MAP3K10: variants seen among roughly 807,000 people sequenced by gnomAD.
MAP3K10 encodes mitogen-activated protein kinase kinase kinase 10.
A neutral mutation model predicts 75.0 loss-of-function variants in MAP3K10; 22 were observed. That is an observed-to-expected ratio of 0.29 (90% confidence interval 0.21 to 0.42). The LOEUF (loss-of-function observed/expected upper bound fraction) is 0.42, where lower values mean the gene tolerates loss of function less well. MAP3K10 is among the 10% of genes least tolerant of loss of function. The pLI is 1.00. For missense variants in MAP3K10, 1,165 were observed against 1,379.8 expected (o/e 0.84, Z 2.47); for synonymous variants, 599 against 612.9 (o/e 0.98, Z 0.34).
chr19:40,207,325 A>C (rs1297664579), intron 5 of MAP3K10, among the ~76,000 whole-genome samples: 1 of 152,210 alleles, frequency 6.6e-6, no homozygotes, highest in Non-Finnish European at 1.5e-5. Flanking sequence ...CAAGCCAGAA[A>C]GCAGTGCCTT....
chr19:40,199,751 G>A (rs992801343), intron 2 of MAP3K10, among the ~76,000 whole-genome samples: 15 of 152,242 alleles, frequency 9.9e-5, no homozygotes, highest in Admixed American at 6.5e-5. Flanking sequence ...GGAGGCCAAG[G>A]TGGGAGGATC....
Position 40,205,463 on chromosome 19 carries a change from A to G in MAP3K10, c.1188+167A>G. The G allele has an allele frequency of 1.5e-6, 1 of 676,012 alleles. No individual in the cohort carries two copies. Among genetic ancestry groups the G allele is most frequent in the African/African-American group, 1.8e-5 (1 of 55,246 alleles). The allele number at this position is 676,012 out of a possible 1,614,324, so 41.9% of individuals were successfully genotyped here. A position where few individuals can be genotyped will look rare whatever the true frequency, so the allele number is the denominator to read the frequency against. The stretch of plus-strand genomic sequence containing the variant: ...GACAGCCTCCTGTTGGTGGATTAAT[A>G]AGAAAAAGGCACCCTGTACTGAAGT... On this transcript the variant is annotated intron_variant, in intron 4 of 9. Coordinates refer to ENST00000253055, the MANE Select transcript of MAP3K10 (RefSeq NM_002446.4). The surrounding 1 kb of genome is among the most constrained non-coding windows in gnomAD (Gnocchi z 4.3).
chr19:40,207,955 T>G (rs1459855272), intron 5 of MAP3K10, among the ~76,000 whole-genome samples: 22 of 152,070 alleles, frequency 1.4e-4, no homozygotes, highest in Non-Finnish European at 3.1e-4. Context: ...CTTGAACTCC[T>G]GCGCTCAGGC....
At chr19:40,200,597 G>A (rs886640472) in intron 2 of MAP3K10, among the ~76,000 whole-genome samples, 7 of 142,380 alleles carry the variant, frequency 4.9e-5, no homozygotes, top group Admixed American at 1.5e-4. Flanking sequence ...TACATCAGGC[G>A]TTCATTTGTG....
In MAP3K10 at chr19:40,205,121, A is replaced by C. The variant is rs1973093430; in HGVS notation, c.1013A>C (p.Glu338Ala). The C allele has an allele frequency of 3.7e-6, 6 of 1,612,670 alleles. No individual in the cohort carries two copies. The highest frequency in any genetic ancestry group is 4.2e-6 in the Non-Finnish European group (5 of 1,179,942). The part of the protein sequence containing the change: ...CPEPFARLLE[E>A]CWDPDPHGRP... ...ACTGTCCTTCCTCCTCCCACCCCAG[A>C]ATGCTGGGACCCAGACCCCCACGGG... Residue 338 changes from glutamate (E) to alanine (A), a missense_variant and splice_region_variant, in exon 4 of 10, where the codon GAA becomes GCA. By Grantham distance (107) the Glu-to-Ala change is moderately radical. Around this residue, in one of 2 missense-constraint regions of MAP3K10, gnomAD observed 575 missense variants for 793.2 expected, o/e 0.72. Transcript: ENST00000253055. This position sits in a 1 kb window ranked among gnomAD's most constrained non-coding sequence, Gnocchi z 4.3.
chr19:40,212,858 G>A lies in MAP3K10; in HGVS notation c.1606G>A (p.Gly536Arg). 6.2e-7 allele frequency: 1 copy of A among 1,609,364 alleles called. No homozygotes were observed. The highest frequency in any genetic ancestry group is 1.1e-5 in the South Asian group (1 of 90,468). Reference protein sequence around the residue: ...SSSGSSSGGSGTWSRGGPPKK... With the variant: ...SSSGSSSGGSRTWSRGGPPKK... The stretch of plus-strand genomic sequence containing the variant: ...CAGTGGCAGCAGCAGTGGAGGAAGT[G>A]GGACATGGAGCCGCGGTGGGCCCCC... Residue 536 changes from glycine to arginine, a missense_variant, in exon 7 of 10, where the codon GGG becomes AGG. Coordinates refer to ENST00000253055, the MANE Select transcript of MAP3K10 (RefSeq NM_002446.4). The surrounding 1 kb of genome is among the most constrained non-coding windows in gnomAD (Gnocchi z 4.2).
chr19:40,198,352 C>A lies in MAP3K10; in HGVS notation c.683-23C>A. 1 of 1,597,018 alleles carries A rather than the reference C, an allele frequency of 6.3e-7. No individual in the cohort carries two copies. The highest frequency in any genetic ancestry group is 1.1e-5 in the South Asian group (1 of 89,650). The stretch of plus-strand genomic sequence containing the variant: ...TGCGGCGTGGCAGGTCTGGGGTGAC[C>A]CACCTTTCTTCCCACCCCACAGTCC... On this transcript the variant is annotated intron_variant, in intron 1 of 9. Coordinates refer to ENST00000253055, the MANE Select transcript of MAP3K10 (RefSeq NM_002446.4). This position sits in a 1 kb window ranked among gnomAD's most constrained non-coding sequence, Gnocchi z 4.3.
intron 5 of MAP3K10, 56 bp from the exon 6 acceptor site, chr19:40,209,047 C>A: frequency 2.3e-6 from 3 of 1,290,348 alleles, no homozygotes; most frequent in Non-Finnish European, 3.4e-6. Flanking sequence ...GAAGAAAATT[C>A]CCTTTGGTAA....
At position 40,215,396 on chromosome 19, in the gene MAP3K10, C is replaced by A; in HGVS notation, c.*104C>A. The A allele has an allele frequency of 9.5e-7, 1 of 1,052,612 alleles. No individual in the cohort carries two copies. The highest frequency in any genetic ancestry group is 1.4e-6 in the Non-Finnish European group (1 of 735,662). The allele number at this position is 1,052,612 out of a possible 1,614,324, so 65.2% of individuals were successfully genotyped here. On this transcript the variant is annotated 3_prime_UTR_variant, in exon 10 of 10. Coordinates refer to ENST00000253055, the MANE Select transcript of MAP3K10 (RefSeq NM_002446.4). ...TGGGGGAGGCCCTGGGCAGGATGTT[C>A]ACTCTATTTATTGGGGAAGGAGGGA...
Position 40,215,069 on chromosome 19 carries a change from T to C in MAP3K10, c.2642T>C (p.Leu881Pro), listed in dbSNP as rs1599921122. The change falls in exon 10 of 10, where the codon CTG (leucine) becomes CCG (proline). Residue 881 changes from leucine to proline, a missense_variant. Transcript: ENST00000253055. ...GAGTTCCCAGGCCGCCCCACCACCC[T>C]GACCTTTGCCCCGAGACCTCGGCCG... is the stretch of plus-strand genomic sequence containing the variant. Reference protein sequence around the residue: ...PPEFPGRPTTLTFAPRPRPAA... With the variant: ...PPEFPGRPTTPTFAPRPRPAA... 7.3e-7 allele frequency: 1 copy of C among 1,376,756 alleles called. No individual in the cohort carries two copies. The allele number at this position is 1,376,756 out of a possible 1,614,324, so 85.3% of individuals were successfully genotyped here. A position where few individuals can be genotyped will look rare whatever the true frequency, so the allele number is the denominator to read the frequency against.
rs1303604062 is a variant in MAP3K10, at chr19:40,198,440, G to A, written c.748G>A (p.Gly250Ser). 3 of 1,614,118 alleles carry A rather than the reference G, an allele frequency of 1.9e-6. No homozygotes were observed. The highest frequency in any genetic ancestry group is 2.5e-6 in the Non-Finnish European group (3 of 1,180,040). ...ADTVLKITDF[G>S]LAREWHKTTK... ...CACGGTGCTCAAGATCACGGACTTC[G>A]GCCTCGCCCGCGAGTGGCACAAGAC... The change falls in exon 2 of 10, where the codon GGC becomes AGC. Residue 250 changes from glycine to serine, a missense_variant. Physicochemically the swap from Gly to Ser is moderately conservative, Grantham distance 56. Around this residue, in one of 2 missense-constraint regions of MAP3K10, gnomAD observed 575 missense variants for 793.2 expected, o/e 0.72. Coordinates refer to ENST00000253055, the MANE Select transcript of MAP3K10 (RefSeq NM_002446.4). The surrounding 1 kb of genome is among the most constrained non-coding windows in gnomAD (Gnocchi z 4.3).
Position 40,213,971 on chromosome 19 carries a change from T to C in MAP3K10, c.2292T>C (p.Ser764=). 3.9e-6 allele frequency: 6 copies of C among 1,535,328 alleles called. No homozygotes were observed. Among genetic ancestry groups the C allele is most frequent in the Non-Finnish European group, 5.2e-6 (6 of 1,147,936 alleles). ...DCNSTRSLLR[S]DSDEAAPAAP... ...ACTCCACGCGTTCACTGCTGCGCTC[T>C]GACAGTGACGAGGCCGCACCGGCCG... Residue 764 remains serine, a synonymous_variant, in exon 9 of 10, where the codon TCT becomes TCC. Transcript: ENST00000253055. The surrounding 1 kb of genome is among the most constrained non-coding windows in gnomAD (Gnocchi z 5.7).
rs185662948 is a variant in MAP3K10 at position 40,214,146 on chromosome 19, C to T, written c.2467C>T (p.Arg823Cys). ...CGTCACGGCTGCATGCGCTGTGAGC[C>T]GCGGGCACCGGCGGACGCCATCGGA... is the stretch of plus-strand genomic sequence containing the variant. ...THVTAACAVS[R>C]GHRRTPSDGA... Residue 823 changes from arginine (R) to cysteine (C), a missense_variant, in exon 9 of 10, where the codon CGC becomes TGC. Arg to Cys is a radical substitution (Grantham distance 180). This residue lies in a region of MAP3K10 where 590 missense variants were observed against 586.6 expected (regional missense o/e 1.01). Transcript: ENST00000253055. 4.4e-4 allele frequency: 682 copies of T among 1,541,336 alleles called. 2 individuals are homozygous for T. Among genetic ancestry groups the T allele is most frequent in the East Asian group, 1.1e-3 (44 of 40,260 alleles).
Position 40,213,640 on chromosome 19 carries a change from C to T in MAP3K10, c.1961C>T (p.Pro654Leu), listed in dbSNP as rs773326474. 16 of 1,424,580 alleles carry T rather than the reference C, an allele frequency of 1.1e-5. No individual in the cohort carries two copies. The highest frequency in any genetic ancestry group is 6.3e-5 in the East Asian group (2 of 31,542). The allele number at this position is 1,424,580 out of a possible 1,614,324, so 88.2% of individuals were successfully genotyped here. A position where few individuals can be genotyped will look rare whatever the true frequency, so the allele number is the denominator to read the frequency against. ...PSPGARAPWE[P>L]TPSAPPARWG... ...CCGGGGGCGCGGGCGCCGTGGGAGC[C>T]GACGCCGTCCGCGCCCCCCGCTCGG... Residue 654 changes from proline to leucine, a missense_variant, in exon 9 of 10, where the codon CCG becomes CTG. By Grantham distance (98) the Pro-to-Leu change is moderately conservative. This residue lies in a region of MAP3K10 where 590 missense variants were observed against 586.6 expected (regional missense o/e 1.01). Transcript: ENST00000253055. The surrounding 1 kb of genome is among the most constrained non-coding windows in gnomAD (Gnocchi z 5.7).
chr19:40,191,439 C>A lies in MAP3K10; in HGVS notation c.-593C>A, dbSNP rs913908373. ...CGGCGCCCACACGTCACTCGGGCCCCGCCGGTGGCCCGGGGAAGCAGCACG... is the reference window on the plus strand; with the variant it reads ...CGGCGCCCACACGTCACTCGGGCCCAGCCGGTGGCCCGGGGAAGCAGCACG... On this transcript the variant is annotated 5_prime_UTR_variant, in exon 1 of 10. Coordinates refer to ENST00000253055, the MANE Select transcript of MAP3K10 (RefSeq NM_002446.4). Among the ~76,000 whole-genome samples the A allele has an allele frequency of 1.0e-3, 157 of 151,940 alleles. No individual in the cohort carries two copies. Among genetic ancestry groups the A allele is most frequent in the Non-Finnish European group, 1.9e-3 (126 of 67,886 alleles).
chr19:40,206,656 CAG>C (rs1973128622), intron 5 of MAP3K10, among the ~76,000 whole-genome samples: 1 of 152,148 alleles, frequency 6.6e-6, no homozygotes, highest in Non-Finnish European at 1.5e-5. Flanking sequence ...CCCATGAAAG[CAG>C]AGAGAACCTC....
chr19:40,198,643 G>A lies in MAP3K10; in HGVS notation c.863+88G>A. The A allele has an allele frequency of 7.4e-7, 1 of 1,344,438 alleles. No individual in the cohort carries two copies. Among genetic ancestry groups the A allele is most frequent in the South Asian group, 1.5e-5 (1 of 68,596 alleles). The allele number at this position is 1,344,438 out of a possible 1,614,324, so 83.3% of individuals were successfully genotyped here. Reference sequence around the variant, plus strand: ...AGAGTGGGAGGGAGGGTCTCCTGCTGAAGCCAGGATCTCAGTCTGACAAAG... The same window carrying A: ...AGAGTGGGAGGGAGGGTCTCCTGCTAAAGCCAGGATCTCAGTCTGACAAAG... On this transcript the variant is annotated intron_variant, in intron 2 of 9. Coordinates refer to ENST00000253055, the MANE Select transcript of MAP3K10 (RefSeq NM_002446.4). This position sits in a 1 kb window ranked among gnomAD's most constrained non-coding sequence, Gnocchi z 4.3.
intron 6 of MAP3K10, among the ~76,000 whole-genome samples, chr19:40,211,103 GA>G (rs1208833186): frequency 6.6e-6 from 1 of 152,194 alleles, no homozygotes; most frequent in Non-Finnish European, 1.5e-5. Context: ...CCTTCCTGCT[GA>G]GTGAGACAGG....
chr19:40,215,040 C>G lies in MAP3K10; in HGVS notation c.2613C>G (p.Pro871=). 1 of 1,603,026 alleles carries G rather than the reference C, an allele frequency of 6.2e-7. No homozygotes were observed. The highest frequency in any genetic ancestry group is 8.5e-7 in the Non-Finnish European group (1 of 1,173,444). ...CCCTGTTCCCAGCCCGCCGCCGGCCCCCTGAGTTCCCAGGCCGCCCCACCA... is the reference window on the plus strand; with the variant it reads ...CCCTGTTCCCAGCCCGCCGCCGGCCGCCTGAGTTCCCAGGCCGCCCCACCA... ...PQALFPARRR[P]PEFPGRPTTL... Residue 871 remains proline (P), a synonymous_variant, in exon 10 of 10, where the codon CCC becomes CCG. Transcript: ENST00000253055.
Sources: gnomAD v4.1 joint callset for allele counts (sites outside exome capture counted in the v4.1 genomes callset) on GRCh38, gnomAD v4.1.1 for gene constraint, gnomAD v4.1.1 regional missense constraint, Gnocchi (gnomAD v3.1) non-coding constraint, MANE v1.5 for transcripts, NCBI Gene and HGNC (gene_info 2026-07-23, HGNC 2026-07-21) for gene names.